The following ZC2HC1A variants were observed in gnomAD, a reference collection of about 807,000 sequenced individuals.
The protein encoded by ZC2HC1A is zinc finger C2HC domain-containing protein 1A.
Under a neutral mutation model 40.7 loss-of-function variants are expected in ZC2HC1A, and 28 were observed. That is an observed-to-expected ratio of 0.69 (90% CI 0.51 to 0.94). The LOEUF is 0.94. Ranked by LOEUF, ZC2HC1A falls within the 40% of genes least tolerant of loss-of-function variation. The pLI is 0.00. For synonymous variants in ZC2HC1A, 129 were observed against 129.2 expected, an observed-to-expected ratio of 1.00 and a Z score of 0.01; for missense variants, 389 against 386.3, an observed-to-expected ratio of 1.01 and a Z score of -0.06.
intron 3 of ZC2HC1A, among the ~76,000 whole-genome samples, chr8:78,680,703 C>T (rs1170141341): frequency 6.6e-6 from 1 of 152,094 alleles, no homozygotes; most frequent in Non-Finnish European, 1.5e-5. Context: ...CAGTTGAAAT[C>T]CAGGAGAAAT....
intron 8 of ZC2HC1A, among the ~76,000 whole-genome samples, chr8:78,716,443 T>C (rs1413609185): frequency 6.6e-6 from 1 of 152,064 alleles, no homozygotes; most frequent in African/African-American, 2.4e-5. Context: ...TGTTAATAGA[T>C]AATAGAGACC....
At chr8:78,714,446 CT>C (rs1425119902) in intron 7 of ZC2HC1A, among the ~76,000 whole-genome samples, 3 of 152,072 alleles carry the variant, frequency 2.0e-5, no homozygotes, top group Non-Finnish European at 4.4e-5. Flanking sequence ...ATGAATTGTA[CT>C]TTTTTTCTCA....
intron 2 of ZC2HC1A, among the ~76,000 whole-genome samples, chr8:78,678,072 G>A (rs1252056791): frequency 6.6e-6 from 1 of 152,076 alleles, no homozygotes; most frequent in African/African-American, 2.4e-5. Context: ...CACCATTTTT[G>A]TTTTGGTGGG....
intron 3 of ZC2HC1A, among the ~76,000 whole-genome samples, chr8:78,680,904 G>A (rs1303981327): frequency 6.6e-6 from 1 of 152,134 alleles, no homozygotes; most frequent in Non-Finnish European, 1.5e-5. Flanking sequence ...GTAGGAATTT[G>A]GATAGCTACC....
intron 7 of ZC2HC1A, among the ~76,000 whole-genome samples, chr8:78,705,526 T>A (rs1175369843): frequency 6.6e-6 from 1 of 152,120 alleles, no homozygotes; most frequent in Non-Finnish European, 1.5e-5. Context: ...AAGACTCCAG[T>A]TGGGAGGCTC....
In ZC2HC1A at chr8:78,715,258, T is replaced by A. The variant is rs1202415415; in HGVS notation, c.742T>A (p.Leu248Met). Residue 248 changes from leucine (L) to methionine (M), a missense_variant, in exon 8 of 9, where the codon TTG (leucine) becomes ATG (methionine). By Grantham distance (15) the Leu-to-Met change is conservative (BLOSUM62 2). Coordinates refer to ENST00000263849, the MANE Select transcript of ZC2HC1A (RefSeq NM_016010.3). Reference sequence around the variant, plus strand: ...ACCCCGAAATTCCACACCACCTAGTTTGGCAAGAAATCCTGCCCCAGGTGT... The same window carrying A: ...ACCCCGAAATTCCACACCACCTAGTATGGCAAGAAATCCTGCCCCAGGTGT... ...VKPRNSTPPSLARNPAPGVLT... is the reference protein window; with the variant it reads ...VKPRNSTPPSMARNPAPGVLT... The A allele has an allele frequency of 3.1e-6, 5 of 1,613,826 alleles. No individual in the cohort carries two copies. In the South Asian group the frequency reaches 5.5e-5, roughly 18 times the overall value.
chr8:78,709,630 C>T (rs1004714669), intron 7 of ZC2HC1A, among the ~76,000 whole-genome samples: 4 of 151,144 alleles, frequency 2.6e-5, no homozygotes, highest in African/African-American at 9.7e-5. Flanking sequence ...GGGGGGTGTT[C>T]AATCTTTTGG....
chr8:78,676,720 T>A (rs1809591407), intron 2 of ZC2HC1A, among the ~76,000 whole-genome samples: 1 of 151,914 alleles, frequency 6.6e-6, no homozygotes, highest in South Asian at 2.1e-4. Context: ...AATGATGGCT[T>A]TTTTGTAATC....
intron 3 of ZC2HC1A, among the ~76,000 whole-genome samples, chr8:78,680,654 T>A (rs1257176758): frequency 1.3e-5 from 2 of 152,188 alleles, no homozygotes; most frequent in African/African-American, 2.4e-5. Context: ...GTAGGCATAA[T>A]TCATAGATTA....
At chr8:78,713,532 T>G (rs1811010951) in intron 7 of ZC2HC1A, among the ~76,000 whole-genome samples, 1 of 152,100 alleles carries the variant, frequency 6.6e-6, no homozygotes, top group Non-Finnish European at 1.5e-5. Context: ...AGATTGAATT[T>G]CTAGAAAAAG....
intron 1 of ZC2HC1A, among the ~76,000 whole-genome samples, chr8:78,669,063 G>A (rs1015824853): frequency 1.3e-4 from 16 of 126,864 alleles, no homozygotes; most frequent in African/African-American, 3.6e-4. Context: ...AAAGATAGTC[G>A]TGTCTCATCA....
chr8:78,703,779 C>T (rs1173930143), intron 7 of ZC2HC1A, among the ~76,000 whole-genome samples: 1 of 152,084 alleles, frequency 6.6e-6, no homozygotes, highest in Non-Finnish European at 1.5e-5. Context: ...AGCCCATTTA[C>T]ATTTAAGACT....
intron 7 of ZC2HC1A, among the ~76,000 whole-genome samples, chr8:78,706,637 T>A (rs940835997): frequency 1.3e-5 from 2 of 152,212 alleles, no homozygotes; most frequent in Non-Finnish European, 2.9e-5. Context: ...TCAAGTTGTT[T>A]CCTTGATTAG....
intron 7 of ZC2HC1A, 40 bp from the exon 8 acceptor site, chr8:78,715,181 C>T: frequency 1.3e-6 from 2 of 1,558,668 alleles, no homozygotes; most frequent in Non-Finnish European, 1.8e-6. Flanking sequence ...TACATGCTCA[C>T]TGTTCAATAC....
At chr8:78,690,357 A>G (rs1428588879) in intron 5 of ZC2HC1A, among the ~76,000 whole-genome samples, 2 of 152,144 alleles carry the variant, frequency 1.3e-5, no homozygotes, top group Non-Finnish European at 2.9e-5. Context: ...TCAGGAGATA[A>G]AGACCATCCT....
At position 78,693,166 on chromosome 8, in the gene ZC2HC1A, A is replaced by G. The variant is rs557314846; in HGVS notation, c.504+3793A>G. On this transcript the variant is annotated intron_variant, in intron 5 of 8. Transcript: ENST00000263849. The stretch of plus-strand genomic sequence containing the variant: ...TTTGGGTTGGTTCCAAGTCTTTGCT[A>G]TTGTGAATAGTGCCGCAATAAACAT... Among the ~76,000 whole-genome samples, 114 of 152,204 alleles carry G rather than the reference A, an allele frequency of 7.5e-4. 1 individual carries two copies. The highest frequency in any genetic ancestry group is 2.6e-3 in the African/African-American group (109 of 41,488).
In ZC2HC1A at chr8:78,698,501, C is replaced by T. The variant is rs917551483; in HGVS notation, c.692C>T (p.Ala231Val). ...TCTCCCTCTCATAAAGGGATAGCAG[C>T]CCCTCATGCAGGGTAAGTCTACACT... ...TLSPSHKGIA[A>V]PHAGANVKPR... Residue 231 changes from alanine (A) to valine (V), a missense_variant, in exon 7 of 9, where the codon GCC becomes GTC. Transcript: ENST00000263849. 2 of 1,608,228 alleles carry T rather than the reference C, an allele frequency of 1.2e-6. No individual in the cohort carries two copies. Among genetic ancestry groups the T allele is most frequent in the African/African-American group, 1.3e-5 (1 of 74,736 alleles).
chr8:78,688,310 G>T (rs1382498170), intron 4 of ZC2HC1A, among the ~76,000 whole-genome samples: 1 of 151,976 alleles, frequency 6.6e-6, no homozygotes, highest in African/African-American at 2.4e-5. Context: ...CTTCAGGATC[G>T]TTTGGGCTTT....
rs185627070 is a variant in ZC2HC1A, at chr8:78,687,800, A to G, written c.352+1192A>G. On this transcript the variant is annotated intron_variant, in intron 4 of 8. Transcript: ENST00000263849. Reference sequence around the variant, plus strand: ...TATATATTTACGTAATACATTATATATATTCATGTAATAAATATATATATT... The same window carrying G: ...TATATATTTACGTAATACATTATATGTATTCATGTAATAAATATATATATT... 6.8e-3 allele frequency among the ~76,000 whole-genome samples: 917 copies of G among 135,082 alleles called. 146 individuals are homozygous for G. In the East Asian group the frequency reaches 0.14, roughly 21 times the overall value. The allele number at this position is 135,082 out of a possible 152,430, so 88.6% of individuals were successfully genotyped here.
Sources: gnomAD v4.1 joint callset for allele counts (sites outside exome capture counted in the v4.1 genomes callset) on GRCh38, gnomAD v4.1.1 for gene constraint, MANE v1.5 for transcripts, NCBI Gene and HGNC (gene_info 2026-07-23, HGNC 2026-07-21) for gene names.